The following STK3 variants were observed in gnomAD, a reference collection of about 807,000 sequenced individuals.
STK3 encodes the protein serine/threonine-protein kinase 3.
A neutral mutation model predicts 58.0 loss-of-function variants in STK3; 41 were observed. The observed-to-expected ratio is 0.71, with a 90% CI of 0.55 to 0.92. The LOEUF (loss-of-function observed/expected upper bound fraction) is 0.92, where lower values mean the gene tolerates loss of function less well. Ranked by LOEUF, STK3 falls within the 40% of genes least tolerant of loss-of-function variation. STK3 has a pLI of 0.00. For synonymous variants in STK3, 170 were observed against 191.0 expected (o/e 0.89, Z 0.91); for missense variants, 479 against 602.7 (o/e 0.79, Z 2.15).
At chr8:98,349,593 G>T in the STK3 span, among the ~76,000 whole-genome samples, 1 of 152,238 alleles carries the variant, frequency 6.6e-6, no homozygotes, top group Non-Finnish European at 1.5e-5. Flanking sequence ...CCTAGCAAAG[G>T]TTCTCTATGA....
chr8:98,774,884 T>C (rs1336654333), intron 1 of STK3, 65 bp from the exon 2 acceptor site: 9 of 1,144,958 alleles, frequency 7.9e-6, no homozygotes, highest in Non-Finnish European at 1.1e-5. Flanking sequence ...AATTTTTAAT[T>C]TTTAAAATTT....
intron 10 of STK3, among the ~76,000 whole-genome samples, chr8:98,464,540 T>TAAAAAAATA (rs1820279529): frequency 1.4e-5 from 1 of 69,230 alleles, no homozygotes; most frequent in African/African-American, 5.7e-5. Context: ...TACTTAAAGT[T>TAAAAAAATA]AAAAAAAAAA....
At chr8:98,902,090 C>A (rs1202100152) in intron 1 of STK3, among the ~76,000 whole-genome samples, 2 of 152,124 alleles carry the variant, frequency 1.3e-5, no homozygotes, top group Non-Finnish European at 2.9e-5. Flanking sequence ...CTCTCCCGCG[C>A]TTTCTTCTGC....
At chr8:98,796,473 T>C (rs1040782092) in intron 1 of STK3, among the ~76,000 whole-genome samples, 2 of 152,004 alleles carry the variant, frequency 1.3e-5, no homozygotes, top group Non-Finnish European at 2.9e-5. Flanking sequence ...TAACTCAAGA[T>C]AGATTAAAGA....
At chr8:98,403,974 T>C (rs949609025) in intron 3 of STK3, among the ~76,000 whole-genome samples, 3 of 152,180 alleles carry the variant, frequency 2.0e-5, no homozygotes, top group Non-Finnish European at 4.4e-5. Context: ...GTTGACTTGG[T>C]TGAACTCACA....
chr8:98,374,033 G>C (rs1195922917), intron 2 of STK3, among the ~76,000 whole-genome samples: 1 of 152,216 alleles, frequency 6.6e-6, no homozygotes, highest in East Asian at 1.9e-4. Flanking sequence ...CTAAAATCTA[G>C]ATACCCACCC....
At chr8:98,837,656 G>T (rs1281206359) in intron 3 of STK3, among the ~76,000 whole-genome samples, 2 of 152,190 alleles carry the variant, frequency 1.3e-5, no homozygotes, top group African/African-American at 4.8e-5. Context: ...GTCCAGGTAT[G>T]GTGACTCACA....
At chr8:98,686,382 C>A (rs1824001401) in intron 6 of STK3, among the ~76,000 whole-genome samples, 1 of 152,092 alleles carries the variant, frequency 6.6e-6, no homozygotes, top group Non-Finnish European at 1.5e-5. Context: ...GCATTTCTTG[C>A]ATTAACAATA....
At chr8:98,585,107 C>T (rs1814388073) in intron 7 of STK3, among the ~76,000 whole-genome samples, 1 of 151,184 alleles carries the variant, frequency 6.6e-6, no homozygotes. Context: ...TAATTAGATC[C>T]CATTTGTCAA....
intron 7 of STK3, among the ~76,000 whole-genome samples, chr8:98,586,923 T>G (rs1277292215): frequency 6.6e-6 from 1 of 151,916 alleles, no homozygotes; most frequent in Admixed American, 6.5e-5. Flanking sequence ...AGTTTGTATT[T>G]CTGTGGGATC....
intron 3 of STK3, among the ~76,000 whole-genome samples, chr8:98,418,534 C>T (rs1173816290): frequency 6.6e-6 from 1 of 152,164 alleles, no homozygotes; most frequent in Non-Finnish European, 1.5e-5. Flanking sequence ...GTCACTTTCA[C>T]AGCAGAAGGG....
chr8:98,904,033 A>T (rs74387478), intron 1 of STK3, among the ~76,000 whole-genome samples: 7,004 of 152,264 alleles, frequency 0.046, 176 homozygotes, highest in African/African-American at 0.06. Flanking sequence ...TATTTGTCAA[A>T]AAATTATTTA....
intron 1 of STK3, among the ~76,000 whole-genome samples, chr8:98,447,177 C>A (rs549100377): frequency 6.6e-6 from 1 of 152,172 alleles, no homozygotes; most frequent in African/African-American, 2.4e-5. Flanking sequence ...ATCTGTACAA[C>A]AAACCCCCAT....
At chr8:98,487,377 C>A (rs1340357869) in intron 10 of STK3, among the ~76,000 whole-genome samples, 1 of 152,160 alleles carries the variant, frequency 6.6e-6, no homozygotes, top group Non-Finnish European at 1.5e-5. Context: ...TACCTAAATG[C>A]AATGAGACTT....
chr8:98,900,665 CTTTTTTTT>C (rs944171968), intron 1 of STK3, among the ~76,000 whole-genome samples: 1 of 141,490 alleles, frequency 7.1e-6, no homozygotes, highest in Admixed American at 7.0e-5. Context: ...TTCTTTTTTT[CTTTTTTTT>C]TTTTCTGAGA....
At chr8:98,754,041 G>T in intron 3 of STK3, among the ~76,000 whole-genome samples, 1 of 152,034 alleles carries the variant, frequency 6.6e-6, no homozygotes, top group East Asian at 1.9e-4. Context: ...GCTTCATATC[G>T]CATACAAGTT....
intron 10 of STK3, among the ~76,000 whole-genome samples, chr8:98,499,986 A>G (rs1167906014): frequency 6.6e-6 from 1 of 152,150 alleles, no homozygotes; most frequent in Admixed American, 6.6e-5. Flanking sequence ...CAAGATATTC[A>G]TGCCCTGATG....
intron 10 of STK3, among the ~76,000 whole-genome samples, chr8:98,482,019 G>A (rs959410140): frequency 6.6e-6 from 1 of 152,050 alleles, no homozygotes; most frequent in Non-Finnish European, 1.5e-5. Context: ...AACTTAAAAG[G>A]TCATGAAGGA....
chr8:98,616,672 A>G (rs1177888684), intron 6 of STK3, among the ~76,000 whole-genome samples: 1 of 151,262 alleles, frequency 6.6e-6, no homozygotes, highest in Admixed American at 6.6e-5. Flanking sequence ...CTAGTCTCTG[A>G]TAAAACAGAC....
Sources: gnomAD v4.1 joint callset for allele counts (sites outside exome capture counted in the v4.1 genomes callset) on GRCh38, gnomAD v4.1.1 for gene constraint, MANE v1.5 for transcripts, NCBI Gene and HGNC (gene_info 2026-07-23, HGNC 2026-07-21) for gene names.